The following VTI1A variants were observed in gnomAD, a reference collection of about 807,000 sequenced individuals.
The protein encoded by VTI1A is vesicle transport through interaction with t-SNAREs homolog 1A.
A neutral mutation model predicts 34.9 loss-of-function variants in VTI1A; 22 were observed. The observed-to-expected ratio is 0.63, with a 90% CI of 0.45 to 0.90. The LOEUF (loss-of-function observed/expected upper bound fraction) is 0.90. VTI1A is among the 40% of genes least tolerant of loss of function. VTI1A has a pLI of 0.00. For synonymous variants in VTI1A, 87 were observed against 97.3 expected (o/e 0.89, Z 0.62); for missense variants, 268 against 275.6 (o/e 0.97, Z 0.20).
chr10:112,807,890 A>G (rs1175243504), intron 7 of VTI1A, among the ~76,000 whole-genome samples: 1 of 151,910 alleles, frequency 6.6e-6, no homozygotes, highest in Admixed American at 6.6e-5. Context: ...AAGATCTCTA[A>G]TGAATCACAT....
At chr10:112,518,575 CTCTCTCTCTCTCTCTATA>C (rs1336792790) in intron 3 of VTI1A, among the ~76,000 whole-genome samples, 125 of 113,510 alleles carry the variant, frequency 1.1e-3, no homozygotes, top group African/African-American at 3.9e-3. Context: ...CTCTCTCTCT[CTCTCTCTCTCTCTCTATA>C]TATATATATA....
At chr10:112,562,992 A>T (rs1354427812) in intron 5 of VTI1A, among the ~76,000 whole-genome samples, 4 of 152,180 alleles carry the variant, frequency 2.6e-5, no homozygotes, top group African/African-American at 9.6e-5. Context: ...TCATAAGAAC[A>T]TCAAAACCCA....
At chr10:112,633,487 G>T (rs1461325712) in intron 5 of VTI1A, among the ~76,000 whole-genome samples, 1 of 152,144 alleles carries the variant, frequency 6.6e-6, no homozygotes, top group Non-Finnish European at 1.5e-5. Flanking sequence ...AGCACGAAGG[G>T]ATAATTGATC....
chr10:112,589,556 G>T (rs923996247), intron 5 of VTI1A, among the ~76,000 whole-genome samples: 10 of 152,134 alleles, frequency 6.6e-5, no homozygotes, highest in African/African-American at 2.4e-4. Context: ...AAAAGGAGGG[G>T]ATATGAATTC....
chr10:112,762,942 AAT>A (rs1287405524), intron 7 of VTI1A, among the ~76,000 whole-genome samples: 1 of 152,030 alleles, frequency 6.6e-6, no homozygotes, highest in Non-Finnish European at 1.5e-5. Flanking sequence ...GCTAGTTTTA[AAT>A]ATATATATAA....
rs34605622 is a variant in VTI1A at position 112,655,536 on chromosome 10, C to CA, written c.428-12670dup. Among the ~76,000 whole-genome samples, 411 of 139,952 alleles carry CA rather than the reference C, an allele frequency of 2.9e-3. 2 individuals carry two copies. The highest frequency in any genetic ancestry group is 8.4e-3 in the African/African-American group (321 of 38,400). 91.8% of individuals were successfully genotyped at this position (139,952 alleles called of 152,430 possible). A position where few individuals can be genotyped will look rare whatever the true frequency, so the allele number is the denominator to read the frequency against. On this transcript the variant is annotated intron_variant, in intron 5 of 7. Transcript: ENST00000393077. ...CAAAATGAATTCTGCCTTGTACTGT[C>CA]AAAAAAAAAAAAGTGTTTTTTATTA...
intron 7 of VTI1A, among the ~76,000 whole-genome samples, chr10:112,799,292 C>A (rs1016525879): frequency 3.3e-5 from 5 of 152,210 alleles, no homozygotes; most frequent in Non-Finnish European, 7.3e-5. Flanking sequence ...AGTCAGAGGT[C>A]GCAGACTGAA....
chr10:112,621,145 A>G (rs1845717649), intron 5 of VTI1A, among the ~76,000 whole-genome samples: 1 of 152,208 alleles, frequency 6.6e-6, no homozygotes, highest in African/African-American at 2.4e-5. Context: ...GCAGATAGCT[A>G]CATGTAAGGA....
intron 5 of VTI1A, among the ~76,000 whole-genome samples, chr10:112,542,600 C>G (rs1247735616): frequency 6.6e-6 from 1 of 152,146 alleles, no homozygotes. Context: ...CCTGCGTGTC[C>G]TGATGACTGA....
At chr10:112,536,916 A>G (rs1352286298) in intron 4 of VTI1A, among the ~76,000 whole-genome samples, 2 of 152,054 alleles carry the variant, frequency 1.3e-5, no homozygotes, top group Non-Finnish European at 2.9e-5. Flanking sequence ...TTGAAGATGG[A>G]AGCGAGATAT....
At chr10:112,854,487 C>T in the VTI1A span, among the ~76,000 whole-genome samples, 2 of 152,066 alleles carry the variant, frequency 1.3e-5, no homozygotes, top group African/African-American at 4.8e-5. Flanking sequence ...CCATGACCCC[C>T]ACTTACAGTC....
At chr10:112,775,813 T>C (rs1041724778) in intron 7 of VTI1A, among the ~76,000 whole-genome samples, 6 of 152,256 alleles carry the variant, frequency 3.9e-5, no homozygotes, top group African/African-American at 1.4e-4. Flanking sequence ...CTTTTGTGTG[T>C]GTACCTCCAA....
intron 7 of VTI1A, among the ~76,000 whole-genome samples, chr10:112,812,779 C>T (rs532257448): frequency 5.3e-5 from 8 of 152,270 alleles, no homozygotes; most frequent in Admixed American, 2.0e-4. Flanking sequence ...GCTGACACCC[C>T]GCCCCCACCC....
intron 3 of VTI1A, among the ~76,000 whole-genome samples, chr10:112,493,356 C>T (rs975012652): frequency 6.6e-5 from 10 of 151,938 alleles, no homozygotes; most frequent in Admixed American, 5.9e-4. Flanking sequence ...AAGTAGTTTT[C>T]TTTGTTGATT....
At chr10:112,628,865 G>T (rs1846020683) in intron 5 of VTI1A, among the ~76,000 whole-genome samples, 1 of 151,964 alleles carries the variant, frequency 6.6e-6, no homozygotes. Flanking sequence ...TATCCTCGCA[G>T]TGTTTTTTTA....
At chr10:112,448,945 TAGTTCTGG>T (rs1448208794) in intron 1 of VTI1A, 1 of 152,250 alleles carries the variant, frequency 6.6e-6, no homozygotes, top group African/African-American at 2.4e-5. Context: ...AGTCCCCAGT[TAGTTCTGG>T]AGGAGATGGA....
chr10:112,775,639 T>C (rs1287074520), intron 7 of VTI1A, among the ~76,000 whole-genome samples: 1 of 152,228 alleles, frequency 6.6e-6, no homozygotes, highest in Non-Finnish European at 1.5e-5. Flanking sequence ...TCGTGTTGAC[T>C]GTTTCAACCA....
chr10:112,810,553 C>T (rs1853246801), intron 7 of VTI1A, among the ~76,000 whole-genome samples: 1 of 152,178 alleles, frequency 6.6e-6, no homozygotes, highest in South Asian at 2.1e-4. Context: ...GACATCCACA[C>T]ACCAAACTGT....
At chr10:112,674,602 C>T (rs1847965833) in intron 7 of VTI1A, among the ~76,000 whole-genome samples, 1 of 152,158 alleles carries the variant, frequency 6.6e-6, no homozygotes. Context: ...TCAATGATAA[C>T]TCTACCAGCT....
Sources: allele counts gnomAD v4.1 joint callset (sites outside exome capture counted in the v4.1 genomes callset), GRCh38; gene constraint gnomAD v4.1.1; transcripts MANE v1.5; gene names NCBI Gene and HGNC (gene_info 2026-07-23, HGNC 2026-07-21).